Variants in ROBO1 observed in about 807,000 individuals in gnomAD.
ROBO1 encodes roundabout guidance receptor 1, also known as roundabout homolog 1.
ROBO1 carries 149 observed loss-of-function variants against 195.9 expected under a neutral mutation model. That is an observed-to-expected ratio of 0.76 (90% confidence interval 0.67 to 0.87). The LOEUF (loss-of-function observed/expected upper bound fraction) is 0.87, where lower values mean the gene tolerates loss of function less well. ROBO1 is among the 40% of genes least tolerant of loss of function. The probability of loss-of-function intolerance (pLI) is 0.00; values close to 1 mark genes in which losing one functional copy is unlikely to be tolerated. For synonymous variants in ROBO1, 816 were observed against 733.2 expected (o/e 1.11, Z -1.82); for missense variants, 1,933 against 2,068.3 (o/e 0.93, Z 1.27).
intron 2 of ROBO1, among the ~76,000 whole-genome samples, chr3:79,162,111 T>C (rs1161460039): frequency 1.3e-5 from 2 of 152,088 alleles, no homozygotes; most frequent in Non-Finnish European, 2.9e-5. Context: ...GTCTTGCCAA[T>C]AAAATTTATT....
intron 4 of ROBO1, among the ~76,000 whole-genome samples, chr3:78,777,070 G>A (rs1403563271): frequency 1.3e-5 from 2 of 152,052 alleles, no homozygotes; most frequent in South Asian, 2.1e-4. Flanking sequence ...TGGGTATTTG[G>A]TTAGATTGAA....
chr3:79,010,832 C>T (rs1191733738), intron 3 of ROBO1, among the ~76,000 whole-genome samples: 2 of 152,066 alleles, frequency 1.3e-5, no homozygotes, highest in East Asian at 3.9e-4. Context: ...CAGTGAATGC[C>T]CCTCCTATTT....
At chr3:79,758,679 T>C (rs866505037) in intron 1 of ROBO1, among the ~76,000 whole-genome samples, 1 of 152,068 alleles carries the variant, frequency 6.6e-6, no homozygotes, top group Non-Finnish European at 1.5e-5. Context: ...GGGAAGGCAA[T>C]GAGTTGGAAA....
chr3:79,737,115 T>G lies in ROBO1; in HGVS notation c.-51+30637A>C, dbSNP rs74903898. Among the ~76,000 whole-genome samples, 716 of 152,286 alleles carry G rather than the reference T, an allele frequency of 4.7e-3. 5 individuals are homozygous for G. Among genetic ancestry groups the G allele is most frequent in the African/African-American group, 0.016 (675 of 41,558 alleles). ...CAAGATAACACTGTCATTATCTTCA[T>G]AGAGCTCACTCTCTGCTGGGAGAAT... On this transcript the variant is annotated intron_variant, in intron 1 of 30. Transcript: ENST00000464233.
intron 2 of ROBO1, among the ~76,000 whole-genome samples, chr3:79,425,710 TAC>T (rs140963554): frequency 0.015 from 2,216 of 146,162 alleles, 36 homozygotes; most frequent in African/African-American, 0.045. Flanking sequence ...CACACACACA[TAC>T]ACACACACAC....
intron 2 of ROBO1, among the ~76,000 whole-genome samples, chr3:79,276,249 A>T (rs1235147395): frequency 6.6e-6 from 1 of 152,064 alleles, no homozygotes. Flanking sequence ...TAACTAAAAC[A>T]GCATGTTACA....
At chr3:79,362,008 C>G (rs2035786672) in intron 2 of ROBO1, among the ~76,000 whole-genome samples, 1 of 151,972 alleles carries the variant, frequency 6.6e-6, no homozygotes, top group Non-Finnish European at 1.5e-5. Flanking sequence ...GATAAAAGTT[C>G]AGTAGAGTGC....
intron 3 of ROBO1, among the ~76,000 whole-genome samples, chr3:78,954,134 T>G (rs1207192302): frequency 6.6e-6 from 1 of 151,810 alleles, no homozygotes; most frequent in East Asian, 1.9e-4. Context: ...CAGCAGAGCA[T>G]CTTTCAAAAG....
At position 78,943,030 on chromosome 3, in the gene ROBO1, T is replaced by C. The variant is rs997340496; in HGVS notation, c.173-4103A>G. Among the ~76,000 whole-genome samples the C allele has an allele frequency of 2.0e-5, 3 of 151,908 alleles. No homozygotes were observed. In the East Asian group the frequency reaches 5.8e-4, roughly 29 times the overall value. ...GAGATGGAGACCATCCTGGTTAACA[T>C]GGTGAAACCCTGTCTCTACTAAAAA... On this transcript the variant is annotated intron_variant, in intron 3 of 30. Transcript: ENST00000464233.
At chr3:78,696,125 GA>G (rs34340807) in intron 8 of ROBO1, among the ~76,000 whole-genome samples, 22,536 of 108,642 alleles carry the variant, frequency 0.21, 1,990 homozygotes, top group East Asian at 0.49. Context: ...GAAAGAATCA[GA>G]AAAAAAAAAA....
chr3:79,083,364 G>T (rs950125440), intron 3 of ROBO1, among the ~76,000 whole-genome samples: 2 of 152,168 alleles, frequency 1.3e-5, no homozygotes, highest in Non-Finnish European at 2.9e-5. Context: ...GTAGTGGTTT[G>T]TGAAGATATT....
intron 2 of ROBO1, among the ~76,000 whole-genome samples, chr3:79,221,878 A>G (rs931956398): frequency 6.6e-6 from 1 of 152,112 alleles, no homozygotes; most frequent in Non-Finnish European, 1.5e-5. Flanking sequence ...CTCTGAGAAT[A>G]CTGGATAGAA....
In ROBO1 at chr3:78,607,039, G is replaced by T. The variant is rs377543379; in HGVS notation, c.4438C>A (p.Leu1480Ile). ...HLRRETYTDD[L>I]PPPPVPPPAI... ...GGTGGCGGCACAGGAGGTGGTGGAA[G>T]ATCTAAAAAGAAACATTAAAAATAC... Residue 1480 changes from leucine to isoleucine, a missense_variant and splice_region_variant, in exon 29 of 31, where the codon CTT (leucine) becomes ATT (isoleucine). Physicochemically the swap from Leu to Ile is conservative, Grantham distance 5 (BLOSUM62 2). This residue lies in a region of ROBO1 where 1,737 missense variants were observed against 1,882.5 expected (regional missense o/e 0.92). Coordinates refer to ENST00000464233, the MANE Select transcript of ROBO1 (RefSeq NM_002941.4). 340 of 1,605,068 alleles carry T rather than the reference G, an allele frequency of 2.1e-4. No individual in the cohort carries two copies. The highest frequency in any genetic ancestry group is 2.7e-4 in the Non-Finnish European group (318 of 1,174,444).
In ROBO1 at chr3:79,191,540, C is replaced by T. The variant is rs142823065; in HGVS notation, c.89-66001G>A. 4.6e-5 allele frequency among the ~76,000 whole-genome samples: 7 copies of T among 151,190 alleles called. No individual in the cohort carries two copies. The East Asian group carries it at 1.4e-3, about 29-fold the overall frequency. ...GTGAAGTGCACATTAAGGATTCAAA[C>T]AATAAAATATTAATATAAAATATAA... On this transcript the variant is annotated intron_variant, in intron 2 of 30. Transcript: ENST00000464233.
chr3:79,262,793 A>G (rs2082965463), intron 2 of ROBO1, among the ~76,000 whole-genome samples: 1 of 152,078 alleles, frequency 6.6e-6, no homozygotes, highest in Non-Finnish European at 1.5e-5. Flanking sequence ...TACACAATGT[A>G]AAGTCGTTTG....
In ROBO1 at chr3:79,328,824, A is replaced by G. The variant is rs543777523; in HGVS notation, c.89-203285T>C. Among the ~76,000 whole-genome samples the G allele has an allele frequency of 7.4e-5, 11 of 149,578 alleles. No homozygotes were observed. In the South Asian group the frequency reaches 2.3e-3, roughly 32 times the overall value. On this transcript the variant is annotated intron_variant, in intron 2 of 30. Coordinates refer to ENST00000464233, the MANE Select transcript of ROBO1 (RefSeq NM_002941.4). ...CTCCCATCTTTCACCCAGAATTCCCAAAGTCTATTGTATCATTCTAATGCC... is the reference window on the plus strand; with the variant it reads ...CTCCCATCTTTCACCCAGAATTCCCGAAGTCTATTGTATCATTCTAATGCC...
At chr3:79,194,455 C>T (rs2081595232) in intron 2 of ROBO1, among the ~76,000 whole-genome samples, 1 of 151,594 alleles carries the variant, frequency 6.6e-6, no homozygotes, top group Admixed American at 6.6e-5. Context: ...CTTTTTAATG[C>T]TATTACAATA....
chr3:78,604,635 A>G (rs937918232), intron 29 of ROBO1, among the ~76,000 whole-genome samples: 1 of 152,158 alleles, frequency 6.6e-6, no homozygotes, highest in African/African-American at 2.4e-5. Flanking sequence ...TTTATTTATC[A>G]CCTCACTTGT....
intron 5 of ROBO1, among the ~76,000 whole-genome samples, chr3:78,720,100 G>A (rs1002408192): frequency 6.6e-6 from 1 of 152,086 alleles, no homozygotes; most frequent in African/African-American, 2.4e-5. Context: ...TCTGGTATGC[G>A]CATTGTAAAA....
Sources: allele counts gnomAD v4.1 joint callset (sites outside exome capture counted in the v4.1 genomes callset), GRCh38; gene constraint gnomAD v4.1.1; regional missense constraint gnomAD v4.1.1; transcripts MANE v1.5; gene names NCBI Gene and HGNC (gene_info 2026-07-23, HGNC 2026-07-21).